The following CELF2 variants were observed in gnomAD, a reference collection of about 807,000 sequenced individuals.
The protein encoded by CELF2 is CUG triplet repeat RNA-binding protein 2.
In CELF2, 8 loss-of-function variants were observed where a neutral mutation model predicts 62.6. The observed-to-expected ratio is 0.13, with a 90% CI of 0.07 to 0.23. The LOEUF is 0.23. Among genes scored for constraint, CELF2 ranks in the 10% least tolerant of loss-of-function variants. The pLI, the probability that CELF2 is intolerant of heterozygous loss-of-function variation, is 1.00. For missense variants in CELF2, 333 were observed against 671.0 expected (o/e 0.50, Z 5.56); for synonymous variants, 258 against 250.0 (o/e 1.03, Z -0.30).
the CELF2 span, among the ~76,000 whole-genome samples, chr10:10,592,400 AT>A: frequency 3.3e-5 from 5 of 152,194 alleles, no homozygotes; most frequent in Non-Finnish European, 5.9e-5. Flanking sequence ...TCCGATTTCT[AT>A]TTTAAACGCT....
the CELF2 span, among the ~76,000 whole-genome samples, chr10:10,724,715 G>GT: frequency 1.3e-5 from 2 of 151,666 alleles, no homozygotes; most frequent in East Asian, 1.9e-4. Context: ...AAGTATGTGG[G>GT]TGTGGTCAGT....
At chr10:11,058,990 G>A (rs1008574320) in intron 1 of CELF2, among the ~76,000 whole-genome samples, 3 of 152,046 alleles carry the variant, frequency 2.0e-5, no homozygotes, top group African/African-American at 7.2e-5. Flanking sequence ...GCCATCTTGC[G>A]TAGGCTGGTC....
At chr10:11,279,477 C>T (rs2087452638) in intron 8 of CELF2, among the ~76,000 whole-genome samples, 1 of 152,142 alleles carries the variant, frequency 6.6e-6, no homozygotes, top group African/African-American at 2.4e-5. Context: ...GTGAAGTGTG[C>T]TTGGTACATC....
the CELF2 span, among the ~76,000 whole-genome samples, chr10:10,765,384 G>A: frequency 3.3e-5 from 5 of 152,150 alleles, no homozygotes; most frequent in Non-Finnish European, 5.9e-5. Flanking sequence ...GCCAGAATCC[G>A]AGCAGAGCTG....
intron 2 of CELF2, among the ~76,000 whole-genome samples, chr10:11,185,668 C>A (rs2074676897): frequency 6.6e-6 from 1 of 152,332 alleles, no homozygotes; most frequent in African/African-American, 2.4e-5. Flanking sequence ...CCTGCCTCAG[C>A]CTCCCAAAGT....
chr10:10,502,536 T>A, the CELF2 span, among the ~76,000 whole-genome samples: 1 of 152,024 alleles, frequency 6.6e-6, no homozygotes, highest in Admixed American at 6.5e-5. Context: ...TCATCATATG[T>A]GTCAAATATA....
chr10:10,472,266 T>C, the CELF2 span, among the ~76,000 whole-genome samples: 1 of 151,892 alleles, frequency 6.6e-6, no homozygotes, highest in Non-Finnish European at 1.5e-5. Context: ...GGCTCTGTTA[T>C]TTTTCTATCA....
In CELF2 at chr10:11,272,566, G is replaced by A. The variant is rs1403252915; in HGVS notation, c.777+1742G>A. On this transcript the variant is annotated intron_variant, in intron 7 of 12. Coordinates refer to ENST00000633077, the MANE Select transcript of CELF2 (RefSeq NM_001326342.2). Reference sequence around the variant, plus strand: ...CCCCCACGGCTCACAGAAATCTCCGGCACATGTTTCTGGGACCACATCTGC... The same window carrying A: ...CCCCCACGGCTCACAGAAATCTCCGACACATGTTTCTGGGACCACATCTGC... Among the ~76,000 whole-genome samples, 5 of 152,214 alleles carry A rather than the reference G, an allele frequency of 3.3e-5. No individual in the cohort carries two copies. The East Asian group carries it at 9.6e-4, about 29-fold the overall frequency.
intron 1 of CELF2, among the ~76,000 whole-genome samples, chr10:11,061,997 C>T (rs374638428): frequency 5.3e-5 from 8 of 152,100 alleles, no homozygotes; most frequent in African/African-American, 9.7e-5. Context: ...TTTTTAGTAG[C>T]GACGGGGTTT....
chr10:10,528,119 C>A, the CELF2 span, among the ~76,000 whole-genome samples: 1 of 152,068 alleles, frequency 6.6e-6, no homozygotes. Context: ...TTTCAATTTA[C>A]AGATGCCTGA....
At chr10:11,065,082 A>C (rs553792720) in intron 1 of CELF2, among the ~76,000 whole-genome samples, 2 of 152,348 alleles carry the variant, frequency 1.3e-5, no homozygotes, top group African/African-American at 4.8e-5. Flanking sequence ...CAGTTCAAGC[A>C]GTTAAGCAAT....
chr10:10,927,215 C>T (rs2065566864), intron 2 of CELF2: 1 of 151,842 alleles, frequency 6.6e-6, no homozygotes, highest in African/African-American at 2.4e-5. Flanking sequence ...GCTGAATATC[C>T]AGCTGCTAAT....
At chr10:10,575,906 G>T in the CELF2 span, among the ~76,000 whole-genome samples, 1 of 152,172 alleles carries the variant, frequency 6.6e-6, no homozygotes, top group African/African-American at 2.4e-5. Context: ...TTGACCCCTG[G>T]CAAGGTCCTG....
chr10:11,045,265 A>C lies in CELF2; in HGVS notation c.74+27102A>C, dbSNP rs75688217. Among the ~76,000 whole-genome samples, 1,125 of 152,186 alleles carry C rather than the reference A, an allele frequency of 7.4e-3. 9 individuals are homozygous for C. The highest frequency in any genetic ancestry group is 0.025 in the African/African-American group (1,024 of 41,512). On this transcript the variant is annotated intron_variant, in intron 1 of 12. Transcript: ENST00000633077. ...CTGAGCTCAGGCTAAGAGCTGGGTT[A>C]GTTTTTTATGTTTTTCTATACAGAC...
At chr10:11,085,322 C>T (rs1293218513) in intron 1 of CELF2, among the ~76,000 whole-genome samples, 3 of 152,170 alleles carry the variant, frequency 2.0e-5, no homozygotes, top group African/African-American at 7.2e-5. Flanking sequence ...AGAAGCCAGA[C>T]CTTTTAACTC....
chr10:10,575,201 G>A, the CELF2 span, among the ~76,000 whole-genome samples: 6 of 151,966 alleles, frequency 3.9e-5, no homozygotes, highest in African/African-American at 1.2e-4. Flanking sequence ...TCTAATAATA[G>A]CAACCAAAAC....
chr10:11,222,475 A>G (rs77186144), intron 3 of CELF2, among the ~76,000 whole-genome samples: 9,352 of 152,270 alleles, frequency 0.061, 399 homozygotes, highest in African/African-American at 0.12. Context: ...ATCATGGAAA[A>G]CAACCGAAAC....
the CELF2 span, among the ~76,000 whole-genome samples, chr10:10,667,188 C>G: frequency 1.3e-5 from 2 of 152,260 alleles, no homozygotes; most frequent in East Asian, 3.9e-4. Flanking sequence ...GGCGTTGTGT[C>G]TATGGAAGCT....
At chr10:10,620,450 C>CAAAAA in the CELF2 span, among the ~76,000 whole-genome samples, 35 of 88,210 alleles carry the variant, frequency 4.0e-4, 1 homozygote, top group African/African-American at 1.3e-3. Context: ...GGCTCAGTCT[C>CAAAAA]AAAAAAAAAA....
Sources: allele counts gnomAD v4.1 joint callset (sites outside exome capture counted in the v4.1 genomes callset), GRCh38; gene constraint gnomAD v4.1.1; transcripts MANE v1.5; gene names NCBI Gene and HGNC (gene_info 2026-07-23, HGNC 2026-07-21).